Variants in FBXL19 observed in about 807,000 individuals in gnomAD.
FBXL19 encodes the protein F-box and leucine rich repeat protein 19.
In FBXL19, 16 loss-of-function variants were observed where a neutral mutation model predicts 71.2. That is an observed-to-expected ratio of 0.22 (90% CI 0.15 to 0.34). The LOEUF is 0.34. Among genes scored for constraint, FBXL19 ranks in the 10% least tolerant of loss-of-function variants. The probability of loss-of-function intolerance (pLI) is 1.00; values close to 1 mark genes in which losing one functional copy is unlikely to be tolerated. For synonymous variants in FBXL19, 447 were observed against 409.4 expected (o/e 1.09, Z -1.11); for missense variants, 658 against 968.2 (o/e 0.68, Z 4.25).
At chr16:30,937,252 GTCTTGTC>G (rs1452034637) in intron 7 of FBXL19, among the ~76,000 whole-genome samples, 3 of 151,932 alleles carry the variant, frequency 2.0e-5, no homozygotes, top group Non-Finnish European at 4.4e-5. Flanking sequence ...AGAGCTCTCC[GTCTTGTC>G]TCTTGTGGGC....
Position 30,947,082 on chromosome 16 carries a change from C to T in FBXL19, c.1877C>T (p.Pro626Leu), listed in dbSNP as rs1283050489. The T allele has an allele frequency of 6.3e-7, 1 of 1,596,214 alleles. No individual in the cohort carries two copies. The highest frequency in any genetic ancestry group is 8.5e-7 in the Non-Finnish European group (1 of 1,176,022). The change falls in exon 11 of 11, where the codon CCG becomes CTG. Residue 626 changes from proline (P) to leucine (L), a missense_variant. Pro to Leu is a moderately conservative substitution (Grantham distance 98). This residue lies in a region of FBXL19 where 69 missense variants were observed against 177.8 expected (regional missense o/e 0.39). Coordinates refer to ENST00000338343, the MANE Select transcript of FBXL19 (RefSeq NM_001382779.1). The part of the protein sequence containing the change: ...GCHRLTDHCL[P>L]LFRRCPRLRR... ...CACCGCCTAACGGACCACTGCCTCC[C>T]GCTGTTCCGCCGCTGCCCTCGTCTA...
chr16:30,946,969 G>A lies in FBXL19; in HGVS notation c.1846+21G>A, dbSNP rs746821545. ...TGCTGGTAAGCACGGTCCCCCATCC[G>A]TCCTGCCAGCCTGTGGATCCCCACG... On this transcript the variant is annotated intron_variant, in intron 10 of 10. Transcript: ENST00000338343. This position sits in a 1 kb window ranked among gnomAD's most constrained non-coding sequence, Gnocchi z 6.7. 23 of 1,591,652 alleles carry A rather than the reference G, an allele frequency of 1.4e-5. No individual in the cohort carries two copies. In the Middle Eastern group the frequency reaches 5.0e-4, roughly 34 times the overall value.
upstream of FBXL19, chr16:30,922,877 T>C: frequency 2.9e-6 from 1 of 345,100 alleles, no homozygotes; most frequent in Non-Finnish European, 5.9e-6. Context: ...GCGGGCGAGG[T>C]GCCCAAGGTG....
At position 30,928,591 on chromosome 16, in the gene FBXL19, C is replaced by T. The variant is rs767036076; in HGVS notation, c.752C>T (p.Ser251Leu). 1.2e-6 allele frequency: 2 copies of T among 1,603,548 alleles called. No individual in the cohort carries two copies. The highest frequency in any genetic ancestry group is 1.7e-4 in the Middle Eastern group (1 of 5,968). The change falls in exon 6 of 11, where the codon TCA becomes TTA. Residue 251 changes from serine to leucine, a missense_variant. Physicochemically the swap from Ser to Leu is moderately radical, Grantham distance 145. Around this residue, in one of 8 missense-constraint regions of FBXL19, gnomAD observed 447 missense variants for 515.4 expected, o/e 0.87. Transcript: ENST00000338343. Reference sequence around the variant, plus strand: ...GTTCTGAATCCGAGCCAGGCTTTCTCATCCTGCCACCCTGGGCTCCCTCCC... The same window carrying T: ...GTTCTGAATCCGAGCCAGGCTTTCTTATCCTGCCACCCTGGGCTCCCTCCC... ...PRVLNPSQAF[S>L]SCHPGLPPEN...
Position 30,925,947 on chromosome 16 carries a change from A to C in FBXL19, c.177+16A>C. On this transcript the variant is annotated intron_variant, in intron 2 of 10. Coordinates refer to ENST00000338343, the MANE Select transcript of FBXL19 (RefSeq NM_001382779.1). This position sits in a 1 kb window ranked among gnomAD's most constrained non-coding sequence, Gnocchi z 5.0. ...GTGCACTGCCGTGAGTTCTGCCCCC[A>C]CCTTTGGGCTCTGCCCACCCTTCCC... 1 of 1,469,128 alleles carries C rather than the reference A, an allele frequency of 6.8e-7. No individual in the cohort carries two copies. The highest frequency in any genetic ancestry group is 9.0e-7 in the Non-Finnish European group (1 of 1,114,102). 91.0% of individuals were successfully genotyped at this position (1,469,128 alleles called of 1,614,324 possible). A position where few individuals can be genotyped will look rare whatever the true frequency, so the allele number is the denominator to read the frequency against.
intron 7 of FBXL19, among the ~76,000 whole-genome samples, chr16:30,937,976 A>G (rs772367163): frequency 3.3e-5 from 5 of 152,134 alleles, no homozygotes; most frequent in Non-Finnish European, 7.3e-5. Context: ...GCTCACAGAA[A>G]GAGCAAAGGG....
Position 30,947,301 on chromosome 16 carries a change from GAGGCC to G in FBXL19, c.*75_*79del. On this transcript the variant is annotated 3_prime_UTR_variant, in exon 11 of 11. Coordinates refer to ENST00000338343, the MANE Select transcript of FBXL19 (RefSeq NM_001382779.1). ...TCCGGCTTCATTTCACCCCTGCTGGGAGGCCAGGTTCCCACCTCACCACCCTGGGA... is the reference window on the plus strand; with the variant it reads ...TCCGGCTTCATTTCACCCCTGCTGGGAGGTTCCCACCTCACCACCCTGGGA... 1 of 1,328,904 alleles carries G rather than the reference GAGGCC, an allele frequency of 7.5e-7. No individual in the cohort carries two copies. The highest frequency in any genetic ancestry group is 1.5e-5 in the African/African-American group (1 of 68,204). The allele number at this position is 1,328,904 out of a possible 1,614,324, so 82.3% of individuals were successfully genotyped here. A position where few individuals can be genotyped will look rare whatever the true frequency, so the allele number is the denominator to read the frequency against.
rs777585176 is a variant in FBXL19 at position 30,927,822 on chromosome 16, G to A, written c.486G>A (p.Leu162=). Residue 162 remains leucine (L), a synonymous_variant, in exon 5 of 11, where the codon CTG becomes CTA. Coordinates refer to ENST00000338343, the MANE Select transcript of FBXL19 (RefSeq NM_001382779.1). ...EGASLGSGWK[L]TEEPPLPPPP... ...CCAGCTTGGGGAGCGGATGGAAGCT[G>A]ACAGAGGAGCCACCGCTTCCACCGC... The A allele has an allele frequency of 3.2e-6, 5 of 1,549,206 alleles. No individual in the cohort carries two copies. Among genetic ancestry groups the A allele is most frequent in the Non-Finnish European group, 4.4e-6 (5 of 1,147,352 alleles).
rs773286265 is a variant in FBXL19, at chr16:30,930,213, AGACTCC to A, written c.942_947del (p.Asp315_Ser316del). ...ACACCTCCTCTTCCTCCTCGGACTC[AGACTCC>A]GACTCCGACTCTTCGGGCACATCGC... is the stretch of plus-strand genomic sequence containing the variant. On this transcript the variant is annotated inframe_deletion, in exon 7 of 11. Transcript: ENST00000338343. This position sits in a 1 kb window ranked among gnomAD's most constrained non-coding sequence, Gnocchi z 8.5. The A allele has an allele frequency of 2.5e-6, 4 of 1,613,144 alleles. No homozygotes were observed. Among genetic ancestry groups the A allele is most frequent in the East Asian group, 2.2e-5 (1 of 44,880 alleles).
intron 7 of FBXL19, among the ~76,000 whole-genome samples, chr16:30,934,476 G>A (rs1424039599): frequency 1.3e-5 from 2 of 152,056 alleles, no homozygotes; most frequent in African/African-American, 4.8e-5. Context: ...TGGCCAACAT[G>A]GTGAAACCCT....
At chr16:30,923,554 GA>G (rs1330843578), upstream of FBXL19, among the ~76,000 whole-genome samples, 1 of 144,024 alleles carries the variant, frequency 6.9e-6, no homozygotes, top group Non-Finnish European at 1.5e-5. Flanking sequence ...AAGGAGGAGG[GA>G]GGGGAGGGGA....
chr16:30,939,921 C>T (rs1186585893), intron 7 of FBXL19, among the ~76,000 whole-genome samples: 1 of 151,666 alleles, frequency 6.6e-6, no homozygotes, highest in African/African-American at 2.4e-5. Context: ...CGCTTGAGCT[C>T]AGGAGTTCAA....
intron 7 of FBXL19, among the ~76,000 whole-genome samples, chr16:30,937,308 C>T (rs770967070): frequency 9.9e-5 from 15 of 151,990 alleles, no homozygotes; most frequent in Non-Finnish European, 2.2e-4. Flanking sequence ...CACACACCCT[C>T]CTCCCCCTCC....
In FBXL19 at chr16:30,944,311, T is replaced by C. The variant is rs182199564; in HGVS notation, c.1627+1775T>C. 6.6e-5 allele frequency among the ~76,000 whole-genome samples: 10 copies of C among 151,864 alleles called. No individual in the cohort carries two copies. The East Asian group carries it at 1.9e-3, about 29-fold the overall frequency. On this transcript the variant is annotated intron_variant, in intron 9 of 10. Coordinates refer to ENST00000338343, the MANE Select transcript of FBXL19 (RefSeq NM_001382779.1). ...TACCGATTATTTCATCACCCAGGTATTAAGTCTATTTACCATTAGTTATTT... is the reference window on the plus strand; with the variant it reads ...TACCGATTATTTCATCACCCAGGTACTAAGTCTATTTACCATTAGTTATTT...
In FBXL19 at chr16:30,940,258, C is replaced by CA. The variant is rs879944923; in HGVS notation, c.1302-1843dup. On this transcript the variant is annotated intron_variant, in intron 7 of 10. Coordinates refer to ENST00000338343, the MANE Select transcript of FBXL19 (RefSeq NM_001382779.1). ...GGGCAACAAGAGCGAAACTCTGTCT[C>CA]AAAAAAAAAAAAAAAGTCAGGTGTG... 2.3e-3 allele frequency among the ~76,000 whole-genome samples: 269 copies of CA among 115,646 alleles called. 1 individual carries two copies. The highest frequency in any genetic ancestry group is 3.6e-3 in the South Asian group (13 of 3,590). The allele number at this position is 115,646 out of a possible 152,430, so 75.9% of individuals were successfully genotyped here.
chr16:30,947,179 C>T lies in FBXL19; in HGVS notation c.1974C>T (p.Pro658=). The change falls in exon 11 of 11, where the codon CCC becomes CCT. Residue 658 remains proline (P), a synonymous_variant. Transcript: ENST00000338343. The part of the protein sequence containing the change: ...EACARLAAAG[P]PGPFRCPEEK... ...GTGCCCGGCTGGCAGCTGCCGGGCC[C>T]CCTGGCCCCTTCCGCTGCCCTGAGG... The T allele has an allele frequency of 6.3e-7, 1 of 1,599,396 alleles. No homozygotes were observed. The highest frequency in any genetic ancestry group is 1.1e-5 in the South Asian group (1 of 91,004).
intron 7 of FBXL19, among the ~76,000 whole-genome samples, chr16:30,941,866 C>T (rs1012961839): frequency 3.9e-5 from 6 of 152,192 alleles, no homozygotes; most frequent in African/African-American, 1.4e-4. Context: ...GGGGCTATTG[C>T]CTTCAATCAT....
chr16:30,926,075 G>A, intron 2 of FBXL19, 144 bp downstream of exon 2: 1 of 1,322,112 alleles, frequency 7.6e-7, no homozygotes, highest in East Asian at 3.2e-5. Flanking sequence ...GTTTGTGTCA[G>A]TATCCATTTT....
At chr16:30,943,595 T>C (rs1018258706) in intron 9 of FBXL19, among the ~76,000 whole-genome samples, 1 of 151,934 alleles carries the variant, frequency 6.6e-6, no homozygotes, top group Non-Finnish European at 1.5e-5. Flanking sequence ...AGGATGGTCT[T>C]GATCTCCTGA....
Sources: gnomAD v4.1 joint callset for allele counts (sites outside exome capture counted in the v4.1 genomes callset) on GRCh38, gnomAD v4.1.1 for gene constraint, gnomAD v4.1.1 regional missense constraint, Gnocchi (gnomAD v3.1) non-coding constraint, MANE v1.5 for transcripts, NCBI Gene and HGNC (gene_info 2026-07-23, HGNC 2026-07-21) for gene names.